C8orf34: variants seen among roughly 807,000 people sequenced by gnomAD.
C8orf34 encodes chromosome 8 open reading frame 34.
Under a neutral mutation model 68.3 loss-of-function variants are expected in C8orf34, and 65 were observed. The observed-to-expected ratio is 0.95, with a 90% CI of 0.78 to 1.17. C8orf34 has a LOEUF of 1.17. Among genes scored for constraint, C8orf34 ranks in the 50% most tolerant of loss-of-function variants. The pLI is 0.00. For missense variants in C8orf34, 664 were observed against 655.4 expected (o/e 1.01, Z -0.14); for synonymous variants, 244 against 241.2 (o/e 1.01, Z -0.11).
At chr8:68,519,989 CT>C (rs1814682851) in intron 5 of C8orf34, among the ~76,000 whole-genome samples, 1 of 152,116 alleles carries the variant, frequency 6.6e-6, no homozygotes, top group African/African-American at 2.4e-5. Flanking sequence ...GTATCGTTAA[CT>C]TTAGTTTCTG....
At chr8:68,450,404 T>C (rs1408122345) in intron 3 of C8orf34, among the ~76,000 whole-genome samples, 2 of 152,126 alleles carry the variant, frequency 1.3e-5, no homozygotes, top group Non-Finnish European at 2.9e-5. Flanking sequence ...GCATCTAGAA[T>C]GGTAAATCTT....
chr8:68,420,209 G>A (rs1295051905), intron 1 of C8orf34, among the ~76,000 whole-genome samples: 2 of 150,586 alleles, frequency 1.3e-5, no homozygotes, highest in East Asian at 2.0e-4. Flanking sequence ...AGGGAGAAGG[G>A]CAACAGTTGG....
chr8:68,396,270 A>G (rs979406023), intron 1 of C8orf34, among the ~76,000 whole-genome samples: 2 of 152,114 alleles, frequency 1.3e-5, no homozygotes, highest in African/African-American at 4.8e-5. Flanking sequence ...ACTTACCAGC[A>G]TGTTTTAAAA....
chr8:68,575,137 G>A (rs1333393199), intron 7 of C8orf34, among the ~76,000 whole-genome samples: 2 of 151,848 alleles, frequency 1.3e-5, no homozygotes, highest in African/African-American at 2.4e-5. Context: ...TTAAAAGTTG[G>A]AAATGTCATT....
At chr8:68,502,325 A>G (rs965206905) in intron 5 of C8orf34, among the ~76,000 whole-genome samples, 4 of 152,214 alleles carry the variant, frequency 2.6e-5, no homozygotes, top group Non-Finnish European at 5.9e-5. Flanking sequence ...GGTCTGGAGC[A>G]AGGAATATAC....
rs138599706 is a variant in C8orf34 at position 68,681,257 on chromosome 8, G to A, written c.1242-27737G>A. ...GAGGTGATGTATATCCTCAGCTTAC[G>A]AAGATAACAGGATTAAGAGATTAAA... On this transcript the variant is annotated intron_variant, in intron 8 of 13. Transcript: ENST00000518698. 4.1e-3 allele frequency among the ~76,000 whole-genome samples: 620 copies of A among 152,130 alleles called. 8 individuals carry two copies. The highest frequency in any genetic ancestry group is 0.014 in the African/African-American group (585 of 41,450).
intron 8 of C8orf34, among the ~76,000 whole-genome samples, chr8:68,672,118 C>T (rs945379689): frequency 1.3e-5 from 2 of 152,152 alleles, no homozygotes; most frequent in East Asian, 3.9e-4. Flanking sequence ...ACCTTAAATA[C>T]TATGACTGCT....
Position 68,331,207 on chromosome 8 carries a change from C to T in C8orf34, c.195C>T (p.Val65=), listed in dbSNP as rs568738383. Residue 65 remains valine (V), a synonymous_variant, in exon 1 of 14, where the codon GTC becomes GTT. Coordinates refer to ENST00000518698, the MANE Select transcript of C8orf34 (RefSeq NM_052958.4). The part of the protein sequence containing the change: ...PGPSPGKRRV[V]PSGGAQPRVL... The stretch of plus-strand genomic sequence containing the variant: ...CCAGTCCGGGTAAAAGGAGGGTTGT[C>T]CCCAGCGGAGGCGCACAGCCGCGCG... 3 of 1,535,398 alleles carry T rather than the reference C, an allele frequency of 2.0e-6. No homozygotes were observed. The African/African-American group carries it at 4.1e-5, about 21-fold the overall frequency.
At chr8:68,596,688 G>A (rs1304011128) in intron 7 of C8orf34, among the ~76,000 whole-genome samples, 1 of 152,104 alleles carries the variant, frequency 6.6e-6, no homozygotes, top group East Asian at 1.9e-4. Context: ...CACAAGCCTA[G>A]GAAACCTCAG....
intron 3 of C8orf34, among the ~76,000 whole-genome samples, chr8:68,454,541 T>A (rs1431424427): frequency 1.3e-5 from 2 of 152,074 alleles, no homozygotes; most frequent in Admixed American, 1.3e-4. Flanking sequence ...TTTGTTGGCA[T>A]ACAATTGTTT....
intron 10 of C8orf34, among the ~76,000 whole-genome samples, chr8:68,760,738 G>A (rs866994072): frequency 1.3e-5 from 2 of 152,132 alleles, no homozygotes; most frequent in Non-Finnish European, 2.9e-5. Context: ...GAGGTTTAAT[G>A]TAAATAATTT....
intron 12 of C8orf34, among the ~76,000 whole-genome samples, chr8:68,789,462 TAA>T (rs1823932025): frequency 6.6e-6 from 1 of 152,222 alleles, no homozygotes; most frequent in Non-Finnish European, 1.5e-5. Flanking sequence ...CAATCAATAT[TAA>T]GAGTAGAAAA....
At chr8:68,644,666 T>C (rs1819112663) in intron 8 of C8orf34, among the ~76,000 whole-genome samples, 1 of 152,046 alleles carries the variant, frequency 6.6e-6, no homozygotes, top group Admixed American at 6.6e-5. Context: ...GGGAGAAGGA[T>C]CCAGTGCCAA....
chr8:68,799,309 T>C (rs1824264693), intron 12 of C8orf34, among the ~76,000 whole-genome samples: 1 of 152,198 alleles, frequency 6.6e-6, no homozygotes, highest in South Asian at 2.1e-4. Flanking sequence ...TTCTTTAACC[T>C]TGATGGACGT....
intron 1 of C8orf34, among the ~76,000 whole-genome samples, chr8:68,393,523 C>T (rs1480095016): frequency 6.6e-6 from 1 of 152,056 alleles, no homozygotes; most frequent in East Asian, 1.9e-4. Context: ...CCAGGTCAGG[C>T]TTTAGCATTG....
chr8:68,739,648 T>A (rs191221634), intron 10 of C8orf34, among the ~76,000 whole-genome samples: 1 of 152,078 alleles, frequency 6.6e-6, no homozygotes, highest in South Asian at 2.1e-4. Context: ...TCAGTGTCAT[T>A]AAAATAGCTC....
At chr8:68,535,389 A>C (rs1257918068) in intron 7 of C8orf34, 1 of 984,748 alleles carries the variant, frequency 1.0e-6, no homozygotes, top group Non-Finnish European at 1.2e-6. Flanking sequence ...TGGCTGAAAA[A>C]TATTTATTAT....
At chr8:68,753,255 C>T (rs927563145) in intron 10 of C8orf34, among the ~76,000 whole-genome samples, 3 of 152,104 alleles carry the variant, frequency 2.0e-5, no homozygotes, top group Admixed American at 2.0e-4. Flanking sequence ...AAATTTAATA[C>T]ACAACTTGAC....
intron 5 of C8orf34, 83 bp from the exon 6 acceptor site, chr8:68,521,716 A>C (rs1814762053): frequency 1.6e-6 from 2 of 1,282,234 alleles, no homozygotes; most frequent in Non-Finnish European, 2.1e-6. Context: ...TTGACAGTCA[A>C]ATATCTAGGC....
Sources: gnomAD v4.1 joint callset for allele counts (sites outside exome capture counted in the v4.1 genomes callset) on GRCh38, gnomAD v4.1.1 for gene constraint, MANE v1.5 for transcripts, NCBI Gene and HGNC (gene_info 2026-07-23, HGNC 2026-07-21) for gene names.